Variants in TXLNA observed in about 807,000 individuals in gnomAD.
The protein encoded by TXLNA is taxilin alpha.
TXLNA carries 9 observed loss-of-function variants against 61.4 expected under a neutral mutation model. The observed-to-expected ratio is 0.15, with a 90% confidence interval of 0.09 to 0.26. The LOEUF (loss-of-function observed/expected upper bound fraction) is 0.26. Ranked by LOEUF, TXLNA falls within the 10% of genes least tolerant of loss-of-function variation. The pLI is 1.00. For synonymous variants in TXLNA, 257 were observed against 267.7 expected, an observed-to-expected ratio of 0.96 and a Z score of 0.39; for missense variants, 565 against 688.8, an observed-to-expected ratio of 0.82 and a Z score of 2.01.
At chr1:32,183,116 A>T (rs1041662755) in intron 3 of TXLNA, among the ~76,000 whole-genome samples, 1 of 151,624 alleles carries the variant, frequency 6.6e-6, no homozygotes, top group African/African-American at 2.4e-5. Context: ...GGAAAGTATC[A>T]TCTTCTTCAC....
chr1:32,192,775 C>T lies in TXLNA; in HGVS notation c.1158+44C>T, dbSNP rs778866743. On this transcript the variant is annotated intron_variant, in intron 8 of 10. Transcript: ENST00000373610. The surrounding 1 kb of genome is among the most constrained non-coding windows in gnomAD (Gnocchi z 4.2). ...ACCCTGTGCCTTCAAGTTTCCCTCA[C>T]TGGGCCCCATCCTGGGGGTAGTGAA... The T allele has an allele frequency of 1.9e-6, 3 of 1,601,066 alleles. No individual in the cohort carries two copies. In the Admixed American group the frequency reaches 5.0e-5, roughly 27 times the overall value.
Position 32,194,103 on chromosome 1 carries a change from C to T in TXLNA, c.1290C>T (p.Thr430=), listed in dbSNP as rs373052116. 5.9e-5 allele frequency: 96 copies of T among 1,613,772 alleles called. No individual in the cohort carries two copies. In the East Asian group the frequency reaches 7.3e-4, roughly 12 times the overall value. ...KKIKKLEKET[T]MYRSRWESSN... is the part of the protein sequence containing the mutation. ...TCAAGAAGCTGGAGAAAGAAACCAC[C>T]ATGTACCGGTCCCGGTGGGAGAGCA... Residue 430 remains threonine, a synonymous_variant, in exon 10 of 11, where the codon ACC becomes ACT. Transcript: ENST00000373610.
In TXLNA at chr1:32,180,506, A is replaced by G. The variant is rs747620074; in HGVS notation, c.161A>G (p.Lys54Arg). ...EGPGSSQAPRKPEGAQARTAQ... is the reference protein window; with the variant it reads ...EGPGSSQAPRRPEGAQARTAQ... ...CCCGGCAGCAGCCAGGCTCCTCGGAAGCCGGAGGGTGTGTGCCAGCTCTGC... is the reference window on the plus strand; with the variant it reads ...CCCGGCAGCAGCCAGGCTCCTCGGAGGCCGGAGGGTGTGTGCCAGCTCTGC... Residue 54 changes from lysine (K) to arginine (R), a missense_variant, in exon 2 of 11, where the codon AAG becomes AGG. Physicochemically the swap from Lys to Arg is conservative, Grantham distance 26 (BLOSUM62 2). This residue lies in a region of TXLNA where 192 missense variants were observed against 184.8 expected (regional missense o/e 1.04). Coordinates refer to ENST00000373610, the MANE Select transcript of TXLNA (RefSeq NM_175852.4). 4 of 1,601,516 alleles carry G rather than the reference A, an allele frequency of 2.5e-6. No homozygotes were observed. Among genetic ancestry groups the G allele is most frequent in the Non-Finnish European group, 3.4e-6 (4 of 1,174,222 alleles).
rs1642998791 is a variant in TXLNA, at chr1:32,195,471, AAG to A, written c.*279_*280del. The stretch of plus-strand genomic sequence containing the variant: ...AAGTCAGTGGCTTGTCTGTGAGCTG[AAG>A]AGTCTTGAGAGGGGCTGTCATCTGT... On this transcript the variant is annotated 3_prime_UTR_variant, in exon 11 of 11. Transcript: ENST00000373610. 10 of 550,844 alleles carry A rather than the reference AAG, an allele frequency of 1.8e-5. No homozygotes were observed. Among genetic ancestry groups the A allele is most frequent in the Non-Finnish European group, 2.9e-5 (9 of 307,160 alleles). 34.1% of individuals were successfully genotyped at this position (550,844 alleles called of 1,614,324 possible). A position where few individuals can be genotyped will look rare whatever the true frequency, so the allele number is the denominator to read the frequency against.
intron 5 of TXLNA, among the ~76,000 whole-genome samples, chr1:32,189,103 ATATAT>A (rs1312162874): frequency 4.6e-5 from 7 of 151,670 alleles, no homozygotes; most frequent in Non-Finnish European, 1.0e-4. Flanking sequence ...CATTATATGG[ATATAT>A]TATATCAGTG....
At chr1:32,184,359 T>A (rs747842395) in intron 3 of TXLNA, among the ~76,000 whole-genome samples, 166 bp from the exon 4 acceptor site, 26 of 152,118 alleles carry the variant, frequency 1.7e-4, no homozygotes, top group Non-Finnish European at 3.2e-4. Flanking sequence ...GGGGCTATAG[T>A]GAGGGCAGGA....
intron 3 of TXLNA, among the ~76,000 whole-genome samples, chr1:32,182,098 CTTTTTTTTTTTTT>C (rs35693792): frequency 2.0e-5 from 2 of 101,720 alleles, no homozygotes; most frequent in African/African-American, 7.6e-5. Flanking sequence ...TGCAGTCAGG[CTTTTTTTTTTTTT>C]TTTTTTTTTT....
rs1643053816 is a variant in TXLNA at position 32,197,694 on chromosome 1, C to T, written c.*2499C>T. On this transcript the variant is annotated 3_prime_UTR_variant, in exon 11 of 11. Transcript: ENST00000373610. The surrounding 1 kb of genome is among the most constrained non-coding windows in gnomAD (Gnocchi z 4.6). ...TTTCTTAGATTGCTAGCTTTTCCTCCAGGGGACCACAGCAGGTGAAGCTCA... is the reference window on the plus strand; with the variant it reads ...TTTCTTAGATTGCTAGCTTTTCCTCTAGGGGACCACAGCAGGTGAAGCTCA... The T allele has an allele frequency of 6.6e-6, 1 of 152,276 alleles. No individual in the cohort carries two copies. Among genetic ancestry groups the T allele is most frequent in the Admixed American group, 6.5e-5 (1 of 15,280 alleles). The allele number at this position is 152,276 out of a possible 1,614,324, so 9.4% of individuals were successfully genotyped here.
intron 1 of TXLNA, 147 bp from the exon 2 acceptor site, chr1:32,180,167 C>T: frequency 1.2e-6 from 1 of 813,340 alleles, no homozygotes; most frequent in Non-Finnish European, 1.8e-6. Flanking sequence ...CCTGACCCGC[C>T]AAGACCAGAG....
chr1:32,185,760 G>C (rs1020561807), intron 4 of TXLNA, among the ~76,000 whole-genome samples: 1 of 146,664 alleles, frequency 6.8e-6, no homozygotes, highest in Non-Finnish European at 1.5e-5. Context: ...GTGCAGTGGC[G>C]CGATCTCGGC....
rs1642997849 is a variant in TXLNA at position 32,195,435 on chromosome 1, G to A, written c.*240G>A. The stretch of plus-strand genomic sequence containing the variant: ...GTGGGCTTGCATTGGGGATGGGGGT[G>A]TGTACAGATGAAGTCAGTGGCTTGT... On this transcript the variant is annotated 3_prime_UTR_variant, in exon 11 of 11. Transcript: ENST00000373610. The A allele has an allele frequency of 1.7e-6, 1 of 579,694 alleles. No individual in the cohort carries two copies. Among genetic ancestry groups the A allele is most frequent in the Admixed American group, 3.1e-5 (1 of 32,244 alleles). 35.9% of individuals were successfully genotyped at this position (579,694 alleles called of 1,614,324 possible).
chr1:32,183,790 G>C (rs773642772), intron 3 of TXLNA, among the ~76,000 whole-genome samples: 1 of 149,908 alleles, frequency 6.7e-6, no homozygotes, highest in Non-Finnish European at 1.5e-5. Flanking sequence ...AAGCTGGAGT[G>C]CAGTGGCGCG....
intron 3 of TXLNA, among the ~76,000 whole-genome samples, chr1:32,183,284 C>T (rs1326016760): frequency 1.3e-5 from 2 of 149,976 alleles, no homozygotes; most frequent in South Asian, 2.1e-4. Flanking sequence ...CCACCATGCC[C>T]GGCTAATTTT....
rs1250253096 is a variant in TXLNA, at chr1:32,184,528, A to G, written c.509A>G (p.Lys170Arg). Residue 170 changes from lysine to arginine, a missense_variant, in exon 4 of 11, where the codon AAG becomes AGG. Lys to Arg is a conservative substitution (Grantham distance 26, BLOSUM62 2). Coordinates refer to ENST00000373610, the MANE Select transcript of TXLNA (RefSeq NM_175852.4). ...QEKKKAKGLG[K>R]EITLLMQTLN... ...TCTTTGCTCCTGTGCTTTTCAGGGA[A>G]GGAGATCACGTTGCTGATGCAGACA... 3 of 1,608,128 alleles carry G rather than the reference A, an allele frequency of 1.9e-6. No homozygotes were observed. The highest frequency in any genetic ancestry group is 2.6e-6 in the Non-Finnish European group (3 of 1,174,702).
In TXLNA at chr1:32,198,161, C is replaced by T. The variant is rs1643064922; in HGVS notation, c.*2966C>T. On this transcript the variant is annotated 3_prime_UTR_variant, in exon 11 of 11. Coordinates refer to ENST00000373610, the MANE Select transcript of TXLNA (RefSeq NM_175852.4). ...GTAACTGCTTTCCTTATGGCCCAGC[C>T]CGGCCACTCAGACTTGTTTGAAGCT... The T allele has an allele frequency of 6.6e-6, 1 of 152,292 alleles. No individual in the cohort carries two copies. The highest frequency in any genetic ancestry group is 2.1e-4 in the South Asian group (1 of 4,838). 9.4% of individuals were successfully genotyped at this position (152,292 alleles called of 1,614,324 possible).
At position 32,181,447 on chromosome 1, in the gene TXLNA, A is replaced by G. The variant is rs1642658374; in HGVS notation, c.375A>G (p.Pro125=). 1.9e-6 allele frequency: 3 copies of G among 1,614,054 alleles called. No homozygotes were observed. Among genetic ancestry groups the G allele is most frequent in the African/African-American group, 1.3e-5 (1 of 74,950 alleles). ...TGGCAAGGAATGGGGAGCCTGAACC[A>G]ACTCCAGTAGTCAATGGAGAGAAGG... is the stretch of plus-strand genomic sequence containing the variant. ...TYVARNGEPE[P]TPVVNGEKEP... is the part of the protein sequence containing the mutation. Residue 125 remains proline, a synonymous_variant, in exon 3 of 11, where the codon CCA becomes CCG. Coordinates refer to ENST00000373610, the MANE Select transcript of TXLNA (RefSeq NM_175852.4).
At position 32,194,757 on chromosome 1, in the gene TXLNA, T is replaced by A. The variant is rs915194376; in HGVS notation, c.1348-145T>A. The A allele has an allele frequency of 2.7e-5, 26 of 958,908 alleles. No individual in the cohort carries two copies. The Admixed American group carries it at 6.0e-4, about 22-fold the overall frequency. 59.4% of individuals were successfully genotyped at this position (958,908 alleles called of 1,614,324 possible). A position where few individuals can be genotyped will look rare whatever the true frequency, so the allele number is the denominator to read the frequency against. On this transcript the variant is annotated intron_variant, in intron 10 of 10. Coordinates refer to ENST00000373610, the MANE Select transcript of TXLNA (RefSeq NM_175852.4). ...GCTGCCCCACCTGACAGCCTAGTCA[T>A]GGCTTCAACTAGGACTGTTTCCTAG...
Position 32,190,244 on chromosome 1 carries a change from G to A in TXLNA, c.958G>A (p.Glu320Lys). The part of the protein sequence containing the change: ...KKLIEQYELR[E>K]EHIDKVFKHK... ...GCTGATTGAGCAGTATGAGCTGCGC[G>A]AGGAGGTAAGGGTATCACGGACAGC... Residue 320 changes from glutamate (E) to lysine (K), a missense_variant, in exon 6 of 11, where the codon GAG becomes AAG. By Grantham distance (56) the Glu-to-Lys change is moderately conservative. This residue lies in a region of TXLNA where 373 missense variants were observed against 504.0 expected (regional missense o/e 0.74). Coordinates refer to ENST00000373610, the MANE Select transcript of TXLNA (RefSeq NM_175852.4). 4 of 1,597,602 alleles carry A rather than the reference G, an allele frequency of 2.5e-6. No homozygotes were observed. The highest frequency in any genetic ancestry group is 1.1e-5 in the South Asian group (1 of 88,772).
In TXLNA at chr1:32,180,396, A is replaced by C; in HGVS notation, c.51A>C (p.Lys17Asn). Residue 17 changes from lysine (K) to asparagine (N), a missense_variant, in exon 2 of 11, where the codon AAA (lysine) becomes AAC (asparagine). By Grantham distance (94) the Lys-to-Asn change is moderately conservative (BLOSUM62 0). Coordinates refer to ENST00000373610, the MANE Select transcript of TXLNA (RefSeq NM_175852.4). Reference protein sequence around the residue: ...KNGAAKQSNPKSSPGQPEAGP... With the variant: ...KNGAAKQSNPNSSPGQPEAGP... ...GGGCTGCCAAACAATCCAATCCAAAAAGCAGCCCAGGACAACCGGAAGCAG... is the reference window on the plus strand; with the variant it reads ...GGGCTGCCAAACAATCCAATCCAAACAGCAGCCCAGGACAACCGGAAGCAG... 1 of 1,614,052 alleles carries C rather than the reference A, an allele frequency of 6.2e-7. No individual in the cohort carries two copies. Among genetic ancestry groups the C allele is most frequent in the Non-Finnish European group, 8.5e-7 (1 of 1,179,954 alleles).
Sources: gnomAD v4.1 joint callset for allele counts (sites outside exome capture counted in the v4.1 genomes callset) on GRCh38, gnomAD v4.1.1 for gene constraint, gnomAD v4.1.1 regional missense constraint, Gnocchi (gnomAD v3.1) non-coding constraint, MANE v1.5 for transcripts, NCBI Gene and HGNC (gene_info 2026-07-23, HGNC 2026-07-21) for gene names.